The following EYS variants were observed in gnomAD, a reference collection of about 807,000 sequenced individuals.
The protein encoded by EYS is EGF-like photoreceptor maintenance factor.
A neutral mutation model predicts 282.1 loss-of-function variants in EYS; 250 were observed. The observed-to-expected ratio is 0.89, with a 90% CI of 0.80 to 0.98. The LOEUF is 0.98. Among genes scored for constraint, EYS ranks in the 50% least tolerant of loss-of-function variants. The pLI is 0.00. For missense variants in EYS, 4,016 were observed against 3,709.0 expected, an observed-to-expected ratio of 1.08 and a Z score of -2.15; for synonymous variants, 1,355 against 1,282.9, an observed-to-expected ratio of 1.06 and a Z score of -1.20.
intron 26 of EYS, among the ~76,000 whole-genome samples, chr6:64,589,382 A>G (rs556934497): frequency 2.6e-5 from 4 of 152,230 alleles, no homozygotes; most frequent in Non-Finnish European, 4.4e-5. Flanking sequence ...ACAAACCACT[A>G]TAAGTTTATT....
At chr6:64,981,443 C>G (rs1770662437) in intron 14 of EYS, among the ~76,000 whole-genome samples, 1 of 151,152 alleles carries the variant, frequency 6.6e-6, no homozygotes, top group Non-Finnish European at 1.5e-5. Context: ...GTTTTTTTCA[C>G]TGGAGCCACC....
intron 35 of EYS, among the ~76,000 whole-genome samples, chr6:63,966,087 G>A (rs73439140): frequency 0.057 from 8,688 of 152,160 alleles, 552 homozygotes; most frequent in African/African-American, 0.15. Flanking sequence ...CCTTCATGAA[G>A]CATTGCAAAG....
At chr6:65,605,913 T>C (rs1482076693) in intron 2 of EYS, among the ~76,000 whole-genome samples, 1 of 151,744 alleles carries the variant, frequency 6.6e-6, no homozygotes, top group Non-Finnish European at 1.5e-5. Context: ...TGCTATATTG[T>C]GGTCAATGTT....
intron 35 of EYS, among the ~76,000 whole-genome samples, chr6:63,978,339 A>G (rs2128354): frequency 0.35 from 53,623 of 151,856 alleles, 9,539 homozygotes; most frequent in African/African-American, 0.38. Context: ...GTTCACTGGT[A>G]AACTTTTATA....
At position 64,822,776 on chromosome 6, in the gene EYS, A is replaced by G. The variant is rs751096016; in HGVS notation, c.3039T>C (p.Cys1013=). The change falls in exon 20 of 43, where the codon TGT becomes TGC. Residue 1013 remains cysteine (C), a synonymous_variant. Coordinates refer to ENST00000503581, the MANE Select transcript of EYS (RefSeq NM_001142800.2). ...INLDECLSEP[C]LHDGVCIDGI... is the part of the protein sequence containing the mutation. ...CATCGATACAAACTCCATCATGGAGACAGGGCTCTGATAGGCATTCATCTA... is the reference window on the plus strand; with the variant it reads ...CATCGATACAAACTCCATCATGGAGGCAGGGCTCTGATAGGCATTCATCTA... 3.0e-5 allele frequency: 46 copies of G among 1,549,976 alleles called. No individual in the cohort carries two copies. Among genetic ancestry groups the G allele is most frequent in the Non-Finnish European group, 3.7e-5 (42 of 1,145,996 alleles).
intron 35 of EYS, among the ~76,000 whole-genome samples, chr6:63,959,467 A>T (rs1765962149): frequency 6.6e-6 from 1 of 152,176 alleles, no homozygotes; most frequent in Non-Finnish European, 1.5e-5. Context: ...TTCTTCAAGG[A>T]TCCAGAACCA....
At chr6:64,101,825 T>G (rs981321161) in intron 31 of EYS, among the ~76,000 whole-genome samples, 4 of 151,932 alleles carry the variant, frequency 2.6e-5, no homozygotes, top group Admixed American at 2.0e-4. Context: ...TAACATAGAA[T>G]CAGTGGGAGC....
At chr6:64,315,239 CCTGAATAATAA>C (rs2150380800) in intron 29 of EYS, among the ~76,000 whole-genome samples, 1 of 151,654 alleles carries the variant, frequency 6.6e-6, no homozygotes, top group Admixed American at 6.6e-5. Flanking sequence ...ATGTCAAATC[CCTGAATAATAA>C]CTTCTGAAAT....
intron 26 of EYS, among the ~76,000 whole-genome samples, chr6:64,543,545 G>A (rs1275134238): frequency 6.6e-6 from 1 of 151,894 alleles, no homozygotes; most frequent in African/African-American, 2.4e-5. Context: ...TTAAAATGTT[G>A]CCACCTCTGA....
intron 31 of EYS, among the ~76,000 whole-genome samples, chr6:64,103,811 G>T (rs1433363784): frequency 6.6e-6 from 1 of 152,116 alleles, no homozygotes; most frequent in Non-Finnish European, 1.5e-5. Flanking sequence ...GTACAGGTGA[G>T]AGGAAATCAG....
intron 13 of EYS, among the ~76,000 whole-genome samples, chr6:65,056,929 T>C (rs1273828703): frequency 6.6e-6 from 1 of 152,016 alleles, no homozygotes; most frequent in African/African-American, 2.4e-5. Flanking sequence ...ATATTTGAAG[T>C]GAGGCAAACA....
At chr6:64,277,480 T>C (rs1310435506) in intron 30 of EYS, among the ~76,000 whole-genome samples, 8 of 152,102 alleles carry the variant, frequency 5.3e-5, no homozygotes, top group Non-Finnish European at 1.2e-4. Context: ...AGAACTGAGA[T>C]TTATAAAACT....
intron 26 of EYS, among the ~76,000 whole-genome samples, chr6:64,478,133 A>G (rs1776329577): frequency 6.6e-6 from 1 of 152,060 alleles, no homozygotes; most frequent in South Asian, 2.1e-4. Flanking sequence ...CAACACAGAT[A>G]CTGAATTTCT....
Position 63,990,978 on chromosome 6 carries a change from T to C in EYS, c.6835-6375A>G, listed in dbSNP as rs1582091049. Among the ~76,000 whole-genome samples the C allele has an allele frequency of 2.0e-5, 3 of 151,562 alleles. No homozygotes were observed. The South Asian group carries it at 6.2e-4, about 31-fold the overall frequency. ...GAATGTTACAAGAGACTAATATCTA[T>C]CTTGTTTGACTGAGAGTGTTAATGG... is the stretch of plus-strand genomic sequence containing the variant. On this transcript the variant is annotated intron_variant, in intron 34 of 42. Coordinates refer to ENST00000503581, the MANE Select transcript of EYS (RefSeq NM_001142800.2).
chr6:65,568,284 C>T (rs530177098), intron 2 of EYS, among the ~76,000 whole-genome samples: 2 of 145,354 alleles, frequency 1.4e-5, no homozygotes, highest in Non-Finnish European at 3.0e-5. Flanking sequence ...ATCTGAGCTC[C>T]CACTTTCTTT....
intron 29 of EYS, among the ~76,000 whole-genome samples, chr6:64,325,039 A>T (rs1254253063): frequency 6.6e-6 from 1 of 152,172 alleles, no homozygotes; most frequent in African/African-American, 2.4e-5. Flanking sequence ...GCCCAAAGAA[A>T]CTTAAAGATT....
At chr6:64,641,043 A>T (rs1293910245) in intron 22 of EYS, among the ~76,000 whole-genome samples, 1 of 152,220 alleles carries the variant, frequency 6.6e-6, no homozygotes, top group Non-Finnish European at 1.5e-5. Context: ...TTTTAACTCC[A>T]AAGCTATATC....
intron 12 of EYS, among the ~76,000 whole-genome samples, chr6:65,115,968 T>TCTAC (rs1412098829): frequency 9.5e-6 from 1 of 105,638 alleles, no homozygotes; most frequent in Non-Finnish European, 2.1e-5. Context: ...GTCTATCTAA[T>TCTAC]CTATCTATCT....
intron 7 of EYS, among the ~76,000 whole-genome samples, chr6:65,395,922 T>A (rs1346836520): frequency 6.6e-6 from 1 of 152,162 alleles, no homozygotes; most frequent in Non-Finnish European, 1.5e-5. Context: ...TTTTAAAAAT[T>A]TTACATATTA....
Sources: allele counts gnomAD v4.1 joint callset (sites outside exome capture counted in the v4.1 genomes callset), GRCh38; gene constraint gnomAD v4.1.1; transcripts MANE v1.5; gene names NCBI Gene and HGNC (gene_info 2026-07-23, HGNC 2026-07-21).